FAM53B: variants seen among roughly 807,000 people sequenced by gnomAD.
The protein encoded by FAM53B is family with sequence similarity 53 member B, also known as protein FAM53B.
A neutral mutation model predicts 32.7 loss-of-function variants in FAM53B; 12 were observed. That is an observed-to-expected ratio of 0.37 (90% CI 0.24 to 0.59). The LOEUF is 0.59. Ranked by LOEUF, FAM53B falls within the 20% of genes least tolerant of loss-of-function variation. The probability of loss-of-function intolerance (pLI) is 0.72; values close to 1 mark genes in which losing one functional copy is unlikely to be tolerated. For synonymous variants in FAM53B, 234 were observed against 228.7 expected (o/e 1.02, Z -0.21); for missense variants, 477 against 577.7 (o/e 0.83, Z 1.79).
At chr10:124,706,186 T>C (rs1316362705) in intron 2 of FAM53B, among the ~76,000 whole-genome samples, 1 of 152,138 alleles carries the variant, frequency 6.6e-6, no homozygotes, top group Non-Finnish European at 1.5e-5. Flanking sequence ...GCTGTTGCCA[T>C]AGCTCACCAC....
chr10:124,667,493 C>T, intron 4 of FAM53B: 3 of 726,692 alleles, frequency 4.1e-6, no homozygotes, highest in African/African-American at 1.7e-5. Flanking sequence ...CAGTCAGCAG[C>T]CCACAGCTGT....
At chr10:124,670,011 A>ACCGGC (rs1478812790) in intron 4 of FAM53B, among the ~76,000 whole-genome samples, 1 of 152,012 alleles carries the variant, frequency 6.6e-6, no homozygotes, top group Non-Finnish European at 1.5e-5. Context: ...CCCTGCAAAC[A>ACCGGC]CCGGCCCGTG....
At chr10:124,645,370 C>A (rs893612105) in intron 4 of FAM53B, among the ~76,000 whole-genome samples, 2 of 152,218 alleles carry the variant, frequency 1.3e-5, no homozygotes, top group African/African-American at 4.8e-5. Context: ...TTCAGAGTGC[C>A]CCCTCAGGCC....
chr10:124,659,038 GCT>G (rs1344112550), intron 4 of FAM53B, among the ~76,000 whole-genome samples: 5 of 152,226 alleles, frequency 3.3e-5, no homozygotes, highest in Non-Finnish European at 7.3e-5. Flanking sequence ...AATAACAGTA[GCT>G]GTGTCCCAGA....
At chr10:124,735,261 T>C (rs553047146) in intron 1 of FAM53B, among the ~76,000 whole-genome samples, 42 of 152,312 alleles carry the variant, frequency 2.8e-4, no homozygotes, top group African/African-American at 9.9e-4. Context: ...AAAGAATTCA[T>C]TCACAGAAGT....
At chr10:124,727,819 G>A (rs1950116593) in intron 1 of FAM53B, among the ~76,000 whole-genome samples, 1 of 152,192 alleles carries the variant, frequency 6.6e-6, no homozygotes, top group African/African-American at 2.4e-5. Context: ...GTGGTGGGCT[G>A]TTTGGGAAAG....
intron 1 of FAM53B, among the ~76,000 whole-genome samples, chr10:124,708,716 G>A (rs1949978313): frequency 6.6e-6 from 1 of 152,238 alleles, no homozygotes; most frequent in African/African-American, 2.4e-5. Flanking sequence ...AATGGCAGCC[G>A]TCATGTTTCT....
At chr10:124,732,072 A>G (rs1036418405) in intron 1 of FAM53B, among the ~76,000 whole-genome samples, 1 of 152,198 alleles carries the variant, frequency 6.6e-6, no homozygotes, top group African/African-American at 2.4e-5. Context: ...CCAGGGCCCT[A>G]AGACACCAGT....
chr10:124,660,569 C>A (rs980281270), intron 4 of FAM53B, among the ~76,000 whole-genome samples: 1 of 152,252 alleles, frequency 6.6e-6, no homozygotes, highest in Non-Finnish European at 1.5e-5. Context: ...AGGGCCCACT[C>A]GAGGCCAACG....
intron 4 of FAM53B, among the ~76,000 whole-genome samples, chr10:124,640,558 G>A (rs924778022): frequency 1.3e-5 from 2 of 152,230 alleles, no homozygotes; most frequent in African/African-American, 2.4e-5. Context: ...GTCTTGTCCT[G>A]GGAACAAAGG....
At chr10:124,696,284 C>T (rs1367841362) in intron 2 of FAM53B, 72 bp from the exon 3 acceptor site, 26 of 1,270,936 alleles carry the variant, frequency 2.0e-5, no homozygotes, top group Non-Finnish European at 3.0e-5. Context: ...CTACTGATCC[C>T]TTCTAAAGTC....
chr10:124,700,898 G>A (rs1042401635), intron 2 of FAM53B, among the ~76,000 whole-genome samples: 4 of 152,332 alleles, frequency 2.6e-5, no homozygotes, highest in South Asian at 2.1e-4. Context: ...CCACACTTCC[G>A]AAATGCAACC....
chr10:124,734,627 C>T (rs916666761), intron 1 of FAM53B, among the ~76,000 whole-genome samples: 1 of 152,194 alleles, frequency 6.6e-6, no homozygotes, highest in Non-Finnish European at 1.5e-5. Flanking sequence ...CGCTCTAGGG[C>T]CAGCACCAGA....
chr10:124,623,572 C>G lies in FAM53B; in HGVS notation c.939G>C (p.Leu313=), dbSNP rs896419701. The G allele has an allele frequency of 5.0e-6, 8 of 1,608,150 alleles. No individual in the cohort carries two copies. The highest frequency in any genetic ancestry group is 4.2e-6 in the Non-Finnish European group (5 of 1,178,648). ...GACCGCAGTCCTCTGTCCCTGCGCTCAGGCAGCTGAGGCTGCTGAAGGTCT... is the reference window on the plus strand; with the variant it reads ...GACCGCAGTCCTCTGTCCCTGCGCTGAGGCAGCTGAGGCTGCTGAAGGTCT... ...NCQTFSSLSC[L]SAGTEDCGPQ... Residue 313 remains leucine (L), a synonymous_variant, in exon 5 of 5, where the codon CTG becomes CTC. Coordinates refer to ENST00000337318, the MANE Select transcript of FAM53B (RefSeq NM_014661.4).
chr10:124,636,552 C>G (rs922993215), intron 4 of FAM53B, among the ~76,000 whole-genome samples: 1 of 152,292 alleles, frequency 6.6e-6, no homozygotes. Flanking sequence ...CAGGAAAACA[C>G]TGTTTTGCTG....
At chr10:124,714,837 AC>A (rs1165496152) in intron 1 of FAM53B, among the ~76,000 whole-genome samples, 1 of 152,024 alleles carries the variant, frequency 6.6e-6, no homozygotes, top group Non-Finnish European at 1.5e-5. Context: ...CACAGAGCCT[AC>A]CTTTTAAAGC....
intron 4 of FAM53B, among the ~76,000 whole-genome samples, chr10:124,635,344 C>T (rs936520227): frequency 2.6e-5 from 4 of 152,168 alleles, no homozygotes; most frequent in African/African-American, 9.7e-5. Context: ...GCCTCGGCCT[C>T]CCAAAGTGCT....
chr10:124,688,734 T>C (rs1404859732), intron 3 of FAM53B, among the ~76,000 whole-genome samples: 1 of 152,140 alleles, frequency 6.6e-6, no homozygotes, highest in East Asian at 1.9e-4. Context: ...TGTGCACAGA[T>C]CCTAGAGCTT....
In FAM53B at chr10:124,623,192, G is replaced by A. The variant is rs1450777153; in HGVS notation, c.*50C>T. ...CAAGGGCCCACCTAGTGCCCAGAGT[G>A]GGGGCTGTCGATGCCAGCACACCCC... is the stretch of plus-strand genomic sequence containing the variant. On this transcript the variant is annotated 3_prime_UTR_variant, in exon 5 of 5. Transcript: ENST00000337318. 1 of 1,524,494 alleles carries A rather than the reference G, an allele frequency of 6.6e-7. No individual in the cohort carries two copies. The highest frequency in any genetic ancestry group is 8.8e-7 in the Non-Finnish European group (1 of 1,135,410). The allele number at this position is 1,524,494 out of a possible 1,614,324, so 94.4% of individuals were successfully genotyped here.
Sources: gnomAD v4.1 joint callset for allele counts (sites outside exome capture counted in the v4.1 genomes callset) on GRCh38, gnomAD v4.1.1 for gene constraint, MANE v1.5 for transcripts, NCBI Gene and HGNC (gene_info 2026-07-23, HGNC 2026-07-21) for gene names.